The following SDF4 variants were observed in gnomAD, a reference collection of about 807,000 sequenced individuals.
SDF4 encodes stromal cell derived factor 4, also known as 45 kDa calcium-binding protein.
A neutral mutation model predicts 34.2 loss-of-function variants in SDF4; 22 were observed. The ratio of observed to expected loss-of-function variants is 0.64; its 90% CI spans 0.46 to 0.92. The LOEUF (loss-of-function observed/expected upper bound fraction) is 0.92, where lower values mean the gene tolerates loss of function less well. Ranked by LOEUF, SDF4 falls within the 40% of genes least tolerant of loss-of-function variation. The pLI is 0.00. For missense variants in SDF4, 447 were observed against 499.9 expected (o/e 0.89, Z 1.01); for synonymous variants, 236 against 203.1 (o/e 1.16, Z -1.38).
intron 2 of SDF4, among the ~76,000 whole-genome samples, chr1:1,225,983 C>A (rs555834204): frequency 6.6e-6 from 1 of 152,214 alleles, no homozygotes; most frequent in Non-Finnish European, 1.5e-5. Flanking sequence ...CCGGTACCCA[C>A]GTGTACACAG....
At chr1:1,221,200 C>T (rs1275136531) in intron 4 of SDF4, 2 of 182,138 alleles carry the variant, frequency 1.1e-5, no homozygotes, top group African/African-American at 4.7e-5. Flanking sequence ...GCTCAAAAGT[C>T]TCCGCGTCAT....
intron 2 of SDF4, among the ~76,000 whole-genome samples, chr1:1,225,737 ACACACTCCACATGCCACAGACACG>A (rs1638284777): frequency 8.4e-6 from 1 of 119,736 alleles, no homozygotes; most frequent in African/African-American, 3.5e-5. Flanking sequence ...GACACGGGCC[ACACACTCCACATGCCACAGACACG>A]GGCCACACAC....
At chr1:1,219,427 C>T (rs183499481) in intron 4 of SDF4, 1 of 1,016,844 alleles carries the variant, frequency 9.8e-7, no homozygotes, top group Non-Finnish European at 1.2e-6. Context: ...CCCGCGCCTG[C>T]CCCTCTGGAG....
At position 1,228,860 on chromosome 1, in the gene SDF4, G is replaced by C; in HGVS notation, c.-88C>G. The C allele has an allele frequency of 1.6e-6, 2 of 1,270,344 alleles. No individual in the cohort carries two copies. The highest frequency in any genetic ancestry group is 2.2e-6 in the Non-Finnish European group (2 of 927,312). The allele number at this position is 1,270,344 out of a possible 1,614,324, so 78.7% of individuals were successfully genotyped here. A position where few individuals can be genotyped will look rare whatever the true frequency, so the allele number is the denominator to read the frequency against. ...GGGGCAGGGGCAGAGGAGGAAGTGAGGTCCTGGCTCCAATCCAATCCCCGG... is the reference window on the plus strand; with the variant it reads ...GGGGCAGGGGCAGAGGAGGAAGTGACGTCCTGGCTCCAATCCAATCCCCGG... On this transcript the variant is annotated 5_prime_UTR_variant, in exon 2 of 7. Coordinates refer to ENST00000360001, the MANE Select transcript of SDF4 (RefSeq NM_016176.6).
chr1:1,227,268 C>G (rs1638341042), intron 2 of SDF4: 1 of 154,298 alleles, frequency 6.5e-6, no homozygotes, highest in African/African-American at 2.4e-5. Flanking sequence ...TGCCCCTCTG[C>G]ACTGGTCCTG....
intron 4 of SDF4, chr1:1,220,331 C>T (rs1332139897): frequency 3.1e-5 from 34 of 1,101,090 alleles, no homozygotes; most frequent in South Asian, 9.4e-5. Flanking sequence ...GAGTGATGCC[C>T]GCCTGCCACG....
At chr1:1,224,686 G>A (rs559909408) in intron 2 of SDF4, among the ~76,000 whole-genome samples, 5 of 152,318 alleles carry the variant, frequency 3.3e-5, no homozygotes, top group East Asian at 3.9e-4. Flanking sequence ...TAAGACAGGT[G>A]GATCACTTAA....
chr1:1,231,571 C>G (rs1004604623), intron 1 of SDF4, among the ~76,000 whole-genome samples: 62 of 152,362 alleles, frequency 4.1e-4, no homozygotes, highest in Non-Finnish European at 8.8e-5. Context: ...GGCAGCTTGT[C>G]CAAGGTCGCC....
chr1:1,230,200 T>C (rs1638451144), intron 1 of SDF4, among the ~76,000 whole-genome samples: 1 of 152,206 alleles, frequency 6.6e-6, no homozygotes, highest in African/African-American at 2.4e-5. Flanking sequence ...TCAACACACA[T>C]GGACTGAGAC....
At chr1:1,224,635 G>C (rs921573241) in intron 2 of SDF4, among the ~76,000 whole-genome samples, 1 of 152,156 alleles carries the variant, frequency 6.6e-6, no homozygotes, top group Non-Finnish European at 1.5e-5. Context: ...ATATAGGCAG[G>C]ACGCAGTGGC....
intron 2 of SDF4, among the ~76,000 whole-genome samples, chr1:1,226,537 C>T (rs1638314350): frequency 6.6e-6 from 1 of 152,200 alleles, no homozygotes; most frequent in South Asian, 2.1e-4. Context: ...CCAGAGGAGA[C>T]AGAGGAGACA....
chr1:1,226,500 C>T (rs767904667), intron 2 of SDF4, among the ~76,000 whole-genome samples: 3 of 152,186 alleles, frequency 2.0e-5, no homozygotes, highest in African/African-American at 7.2e-5. Context: ...CTCACAAAAA[C>T]GGGAGAGTCT....
intron 4 of SDF4, 133 bp downstream of exon 4, chr1:1,223,111 G>A (rs995283640): frequency 4.2e-5 from 28 of 671,570 alleles, no homozygotes; most frequent in East Asian, 1.6e-4. Flanking sequence ...CACACGGCAC[G>A]CACACACGTA....
chr1:1,220,405 G>A (rs1228603392), intron 4 of SDF4: 1 of 1,167,878 alleles, frequency 8.6e-7, no homozygotes, highest in Non-Finnish European at 1.1e-6. Context: ...GACTCACGCG[G>A]TGACCCTCGC....
chr1:1,230,441 T>C (rs79493008), intron 1 of SDF4, among the ~76,000 whole-genome samples: 17,346 of 150,954 alleles, frequency 0.11, 1,131 homozygotes, highest in East Asian at 0.17. Flanking sequence ...AAGGAAACCC[T>C]GGGTGAGGGG....
chr1:1,221,296 G>A (rs1649941292), intron 4 of SDF4: 3 of 157,886 alleles, frequency 1.9e-5, no homozygotes, highest in East Asian at 1.9e-4. Context: ...ACTCGCGCCT[G>A]CAACCCCAGG....
chr1:1,217,596 C>G lies in SDF4; in HGVS notation c.984G>C (p.Glu328Asp). Reference protein sequence around the residue: ...VADENQNHHLEPEEVLKYSEF... With the variant: ...VADENQNHHLDPEEVLKYSEF... ...CGCTGTACTTGAGCACCTCCTCGGGCTCCAGGTGGTGGTTCTGGTTCTCGT... is the reference window on the plus strand; with the variant it reads ...CGCTGTACTTGAGCACCTCCTCGGGGTCCAGGTGGTGGTTCTGGTTCTCGT... The change falls in exon 7 of 7, where the codon GAG becomes GAC. Residue 328 changes from glutamate (E) to aspartate (D), a missense_variant. Glu to Asp is a conservative substitution (Grantham distance 45). Transcript: ENST00000360001. This position sits in a 1 kb window ranked among gnomAD's most constrained non-coding sequence, Gnocchi z 8.5. The G allele has an allele frequency of 6.2e-7, 1 of 1,613,748 alleles. No individual in the cohort carries two copies. The highest frequency in any genetic ancestry group is 1.3e-5 in the African/African-American group (1 of 75,042).
At chr1:1,220,829 C>A (rs539104939) in intron 4 of SDF4, 1 of 1,123,616 alleles carries the variant, frequency 8.9e-7, no homozygotes, top group African/African-American at 1.6e-5. Context: ...CCAAGCACAT[C>A]GCCAACAGGC....
intron 4 of SDF4, chr1:1,219,699 G>A: frequency 1.0e-6 from 1 of 986,234 alleles, no homozygotes; most frequent in African/African-American, 1.7e-5. Flanking sequence ...CACATCCCAA[G>A]GACCCAAGCC....
Sources: gnomAD v4.1 joint callset for allele counts (sites outside exome capture counted in the v4.1 genomes callset) on GRCh38, gnomAD v4.1.1 for gene constraint, Gnocchi (gnomAD v3.1) non-coding constraint, MANE v1.5 for transcripts, NCBI Gene and HGNC (gene_info 2026-07-23, HGNC 2026-07-21) for gene names.